Variants in THOC7 observed in about 807,000 individuals in gnomAD.
THOC7 encodes the protein NIF3L1-binding protein 1.
A neutral mutation model predicts 33.1 loss-of-function variants in THOC7; 22 were observed. The observed-to-expected ratio is 0.66, with a 90% CI of 0.47 to 0.95. THOC7 has a LOEUF of 0.95. THOC7 is among the 40% of genes least tolerant of loss of function. THOC7 has a pLI of 0.00. For missense variants in THOC7, 184 were observed against 245.3 expected, an observed-to-expected ratio of 0.75 and a Z score of 1.67; for synonymous variants, 77 against 76.8, an observed-to-expected ratio of 1.00 and a Z score of -0.01.
chr3:63,855,618 C>A (rs570235248), intron 1 of THOC7, among the ~76,000 whole-genome samples: 1 of 152,314 alleles, frequency 6.6e-6, no homozygotes, highest in South Asian at 2.1e-4. Context: ...CATAATTGTT[C>A]TTTCCCTATA....
intron 1 of THOC7, among the ~76,000 whole-genome samples, chr3:63,850,104 A>G (rs1701988982): frequency 6.6e-6 from 1 of 152,188 alleles, no homozygotes; most frequent in Admixed American, 6.6e-5. Flanking sequence ...CCTCTTAATT[A>G]TTCCTTATTT....
Position 63,863,769 on chromosome 3 carries a change from C to T in THOC7, c.19+3G>A, listed in dbSNP as rs1702306342. On this transcript the variant is annotated splice_donor_region_variant and intron_variant, in intron 1 of 7. Coordinates refer to ENST00000295899, the MANE Select transcript of THOC7 (RefSeq NM_025075.4). ...GCGCGTGTGGCGGCGAGCGGGGCCT[C>T]ACCGTCAGTCACGGCTCCCATGGCG... The T allele has an allele frequency of 8.0e-7, 1 of 1,251,922 alleles. No individual in the cohort carries two copies. Among genetic ancestry groups the T allele is most frequent in the Admixed American group, 4.2e-5 (1 of 23,596 alleles). The allele number at this position is 1,251,922 out of a possible 1,614,324, so 77.6% of individuals were successfully genotyped here.
chr3:63,838,617 G>T, intron 2 of THOC7, 118 bp from the exon 3 acceptor site: 1 of 1,033,714 alleles, frequency 9.7e-7, no homozygotes. Context: ...AGAATCATTT[G>T]CTTATTTAAA....
chr3:63,852,762 G>A (rs1017029549), intron 1 of THOC7, among the ~76,000 whole-genome samples: 1 of 152,160 alleles, frequency 6.6e-6, no homozygotes, highest in Non-Finnish European at 1.5e-5. Context: ...GATTGTAACT[G>A]GGAAAAGCCC....
chr3:63,862,071 G>A (rs1052852731), intron 1 of THOC7, among the ~76,000 whole-genome samples: 1 of 152,118 alleles, frequency 6.6e-6, no homozygotes, highest in Admixed American at 6.5e-5. Flanking sequence ...GATTACAGGC[G>A]TGAGCCACTG....
intron 7 of THOC7, 109 bp downstream of exon 7, chr3:63,835,045 C>G: frequency 9.3e-7 from 1 of 1,079,884 alleles, no homozygotes. Context: ...CTACACTGTT[C>G]AGAAATTGAA....
intron 1 of THOC7, among the ~76,000 whole-genome samples, chr3:63,840,790 T>C (rs1314256302): frequency 6.6e-6 from 1 of 152,190 alleles, no homozygotes; most frequent in Non-Finnish European, 1.5e-5. Context: ...AAAGATCTGA[T>C]AAAACTGTTG....
rs189651630 is a variant in THOC7, at chr3:63,839,807, T to C, written c.20-34A>G. The C allele has an allele frequency of 2.2e-5, 35 of 1,561,322 alleles. No homozygotes were observed. In the African/African-American group the frequency reaches 3.8e-4, roughly 17 times the overall value. Reference sequence around the variant, plus strand: ...AAGAAGGGCAATGTTACCATCTGGCTCTTGGTAACTTTCAAGTACAAATAA... The same window carrying C: ...AAGAAGGGCAATGTTACCATCTGGCCCTTGGTAACTTTCAAGTACAAATAA... On this transcript the variant is annotated intron_variant, in intron 1 of 7. Coordinates refer to ENST00000295899, the MANE Select transcript of THOC7 (RefSeq NM_025075.4).
intron 1 of THOC7, among the ~76,000 whole-genome samples, chr3:63,857,206 G>A (rs1175298368): frequency 3.3e-5 from 5 of 152,184 alleles, no homozygotes; most frequent in Non-Finnish European, 5.9e-5. Context: ...GTAAAGAGGG[G>A]AAGGTTTTCA....
At chr3:63,853,236 A>T (rs1262095906) in intron 1 of THOC7, among the ~76,000 whole-genome samples, 1 of 151,854 alleles carries the variant, frequency 6.6e-6, no homozygotes, top group Non-Finnish European at 1.5e-5. Context: ...AGGAAAAAAC[A>T]GGGGCCAATG....
At chr3:63,859,116 C>G (rs1181062073) in intron 1 of THOC7, among the ~76,000 whole-genome samples, 1 of 152,224 alleles carries the variant, frequency 6.6e-6, no homozygotes, top group Non-Finnish European at 1.5e-5. Context: ...AGAGCATCCA[C>G]TTCTATCTTC....
chr3:63,835,774 G>A (rs899049460), intron 5 of THOC7, among the ~76,000 whole-genome samples: 2 of 151,900 alleles, frequency 1.3e-5, no homozygotes, highest in African/African-American at 4.8e-5. Context: ...TCTATCCTGG[G>A]CCTTTTTATC....
intron 1 of THOC7, among the ~76,000 whole-genome samples, chr3:63,847,465 C>T (rs1440269980): frequency 6.6e-6 from 1 of 152,202 alleles, no homozygotes; most frequent in East Asian, 1.9e-4. Flanking sequence ...AGGCCGGGTG[C>T]AGTGGCTCAC....
At chr3:63,840,335 A>G (rs533332259) in intron 1 of THOC7, among the ~76,000 whole-genome samples, 19 of 152,288 alleles carry the variant, frequency 1.2e-4, no homozygotes, top group Middle Eastern at 3.4e-3. Flanking sequence ...AGATAAACAT[A>G]TAATTTAAGG....
At chr3:63,856,266 T>C (rs832189) in intron 1 of THOC7, among the ~76,000 whole-genome samples, 121,462 of 151,574 alleles carry the variant, frequency 0.8, 48,796 homozygotes, top group South Asian at 0.88. Flanking sequence ...GGGTGTGTGG[T>C]GGCAGGGGAG....
intron 1 of THOC7, among the ~76,000 whole-genome samples, chr3:63,846,692 T>C (rs981133510): frequency 6.6e-6 from 1 of 152,174 alleles, no homozygotes; most frequent in African/African-American, 2.4e-5. Context: ...ATTATAGGCA[T>C]GAGCCACCGT....
intron 1 of THOC7, among the ~76,000 whole-genome samples, chr3:63,850,354 C>T (rs562842863): frequency 4.6e-5 from 7 of 151,624 alleles, no homozygotes; most frequent in Non-Finnish European, 7.4e-5. Flanking sequence ...GCACGTACCA[C>T]CACACCCAGC....
At chr3:63,846,786 C>T (rs1234015661) in intron 1 of THOC7, among the ~76,000 whole-genome samples, 1 of 152,054 alleles carries the variant, frequency 6.6e-6, no homozygotes, top group Non-Finnish European at 1.5e-5. Flanking sequence ...TAGGGAGCCC[C>T]ACATGGATGA....
intron 1 of THOC7, among the ~76,000 whole-genome samples, chr3:63,847,158 A>C (rs1386260192): frequency 6.6e-6 from 1 of 152,168 alleles, no homozygotes; most frequent in East Asian, 1.9e-4. Flanking sequence ...AATTTCTAGG[A>C]AAGCCCCTAA....
Sources: gnomAD v4.1 joint callset for allele counts (sites outside exome capture counted in the v4.1 genomes callset) on GRCh38, gnomAD v4.1.1 for gene constraint, MANE v1.5 for transcripts, NCBI Gene and HGNC (gene_info 2026-07-23, HGNC 2026-07-21) for gene names.